The following CACNA1A variants were observed in gnomAD, a reference collection of about 807,000 sequenced individuals.
The protein encoded by CACNA1A is voltage-dependent P/Q-type calcium channel subunit alpha-1A.
A neutral mutation model predicts 262.4 loss-of-function variants in CACNA1A; 57 were observed. The observed-to-expected ratio is 0.22, with a 90% CI of 0.18 to 0.27. The LOEUF (loss-of-function observed/expected upper bound fraction) is 0.27, where lower values mean the gene tolerates loss of function less well. Ranked by LOEUF, CACNA1A falls within the 10% of genes least tolerant of loss-of-function variation. CACNA1A has a pLI of 1.00. For missense variants in CACNA1A, 2,526 were observed against 3,562.8 expected (o/e 0.71, Z 7.41); for synonymous variants, 1,431 against 1,419.3 (o/e 1.01, Z -0.18).
At chr19:13,404,680 G>A (rs1231657447) in intron 3 of CACNA1A, among the ~76,000 whole-genome samples, 1 of 152,140 alleles carries the variant, frequency 6.6e-6, no homozygotes, top group East Asian at 1.9e-4. Context: ...TATGGTACAA[G>A]TCCCGTGATG....
chr19:13,231,963 G>A, intron 34 of CACNA1A, 103 bp from the exon 35 acceptor site: 1 of 1,217,916 alleles, frequency 8.2e-7, no homozygotes, highest in Non-Finnish European at 1.1e-6. Flanking sequence ...GGGCTCTGGA[G>A]CTGGCCAGGC....
At chr19:13,247,711 TAA>T (rs200031593) in intron 30 of CACNA1A, among the ~76,000 whole-genome samples, 1 of 54,248 alleles carries the variant, frequency 1.8e-5, no homozygotes, top group East Asian at 4.7e-4. Flanking sequence ...AATAAATAAA[TAA>T]AAATAAATAA....
intron 9 of CACNA1A, 53 bp from the exon 10 acceptor site, chr19:13,330,386 C>T (rs1312763164): frequency 1.6e-6 from 2 of 1,275,312 alleles, no homozygotes; most frequent in Middle Eastern, 1.8e-4. Context: ...TTTTGCAACA[C>T]AGACCATATG....
chr19:13,223,257 G>C (rs908519979), intron 38 of CACNA1A, among the ~76,000 whole-genome samples: 3 of 152,006 alleles, frequency 2.0e-5, no homozygotes, highest in Admixed American at 6.6e-5. Flanking sequence ...GCAGTGGCGT[G>C]ATCTCGGCTC....
At chr19:13,396,328 C>T (rs1260772888) in intron 3 of CACNA1A, among the ~76,000 whole-genome samples, 2 of 152,230 alleles carry the variant, frequency 1.3e-5, no homozygotes, top group Non-Finnish European at 2.9e-5. Context: ...TTCTCAACTG[C>T]TCCTTTGCCT....
intron 10 of CACNA1A, among the ~76,000 whole-genome samples, chr19:13,325,363 C>A (rs142385110): frequency 6.6e-6 from 1 of 152,016 alleles, no homozygotes; most frequent in Non-Finnish European, 1.5e-5. Context: ...CTGTGGCATG[C>A]GCCTGTAGCC....
In CACNA1A at chr19:13,347,059, G is replaced by GTTT. The variant is rs1207564258; in HGVS notation, c.979-11153_979-11151dup. Among the ~76,000 whole-genome samples, 327 of 58,398 alleles carry GTTT rather than the reference G, an allele frequency of 5.6e-3. 3 individuals are homozygous for GTTT. The highest frequency in any genetic ancestry group is 0.022 in the South Asian group (21 of 940). The allele number at this position is 58,398 out of a possible 152,430, so 38.3% of individuals were successfully genotyped here. A position where few individuals can be genotyped will look rare whatever the true frequency, so the allele number is the denominator to read the frequency against. ...TTGTTCCTTCAGGTCTGTTTTTTTT[G>GTTT]TTTTTTTGTTTTTTTTTTTTGAGAC... is the stretch of plus-strand genomic sequence containing the variant. On this transcript the variant is annotated intron_variant, in intron 6 of 46. Transcript: ENST00000360228.
At chr19:13,316,927 G>A (rs1374593779) in intron 11 of CACNA1A, 185 bp downstream of exon 11, 6 of 519,326 alleles carry the variant, frequency 1.2e-5, no homozygotes, top group African/African-American at 9.5e-5. Flanking sequence ...GTCTAAGGGA[G>A]ATGGGTTCCA....
intron 38 of CACNA1A, among the ~76,000 whole-genome samples, chr19:13,216,190 GCTCT>G (rs1389192798): frequency 3.3e-5 from 5 of 152,168 alleles, no homozygotes; most frequent in Non-Finnish European, 7.4e-5. Context: ...AGTCATTAAA[GCTCT>G]CTGACGGTGT....
chr19:13,421,233 T>C (rs570412877), intron 3 of CACNA1A, among the ~76,000 whole-genome samples: 23 of 152,314 alleles, frequency 1.5e-4, no homozygotes, highest in Non-Finnish European at 4.4e-5. Context: ...GCAGCTATTA[T>C]AGGAGAGAAA....
chr19:13,284,968 T>C (rs1249521023), intron 21 of CACNA1A, 100 bp downstream of exon 21: 3 of 1,144,300 alleles, frequency 2.6e-6, no homozygotes, highest in Admixed American at 2.0e-5. Flanking sequence ...CCTGGACTCA[T>C]GGTGGTCAAC....
chr19:13,224,088 G>A (rs974648627), intron 38 of CACNA1A, among the ~76,000 whole-genome samples: 2 of 151,976 alleles, frequency 1.3e-5, no homozygotes, highest in African/African-American at 4.8e-5. Flanking sequence ...GATCACTTGA[G>A]GTCAGGAGTT....
At chr19:13,221,547 T>C (rs2055232460) in intron 38 of CACNA1A, among the ~76,000 whole-genome samples, 1 of 151,994 alleles carries the variant, frequency 6.6e-6, no homozygotes, top group African/African-American at 2.4e-5. Flanking sequence ...CTGGCAATTG[T>C]GCGCCTGTCT....
At chr19:13,215,003 T>C in intron 38 of CACNA1A, 1 of 170,342 alleles carries the variant, frequency 5.9e-6, no homozygotes, top group South Asian at 1.4e-4. Context: ...GTTGTGTGTG[T>C]GTGTGTGTGT....
In CACNA1A at chr19:13,208,973, C is replaced by G; in HGVS notation, c.6563G>C (p.Gly2188Ala). ...GTCCCGCTCCTTCGACGGCAGGTCC[C>G]CGGATTGGGTGGTCATGCTCAGGTC... ...GTDLSMTTQSGDLPSKERDQE... is the reference protein window; with the variant it reads ...GTDLSMTTQSADLPSKERDQE... Residue 2188 changes from glycine to alanine, a missense_variant, in exon 46 of 47, where the codon GGG (glycine) becomes GCG (alanine). By Grantham distance (60) the Gly-to-Ala change is moderately conservative. Coordinates refer to ENST00000360228, the MANE Select transcript of CACNA1A (RefSeq NM_001127222.2). 6.5e-7 allele frequency: 1 copy of G among 1,537,400 alleles called. No homozygotes were observed. The highest frequency in any genetic ancestry group is 8.7e-7 in the Non-Finnish European group (1 of 1,146,876).
At chr19:13,427,794 CAA>C (rs2060430841) in intron 3 of CACNA1A, among the ~76,000 whole-genome samples, 1 of 152,100 alleles carries the variant, frequency 6.6e-6, no homozygotes, top group South Asian at 2.1e-4. Flanking sequence ...AACAAACAAA[CAA>C]ACAAACAAAC....
At chr19:13,210,286 TTGG>T (rs1427233576) in intron 44 of CACNA1A, among the ~76,000 whole-genome samples, 2 of 151,860 alleles carry the variant, frequency 1.3e-5, no homozygotes, top group African/African-American at 4.8e-5. Context: ...GGACCAGGGG[TTGG>T]TGGTGGTGTC....
At chr19:13,415,271 G>A (rs982322695) in intron 3 of CACNA1A, among the ~76,000 whole-genome samples, 1 of 151,884 alleles carries the variant, frequency 6.6e-6, no homozygotes, top group African/African-American at 2.4e-5. Context: ...AAGGAAACGT[G>A]CGGAAGGAAG....
chr19:13,423,254 AAGGCAGAAAGG>A (rs2060346426), intron 3 of CACNA1A, among the ~76,000 whole-genome samples: 1 of 152,214 alleles, frequency 6.6e-6, no homozygotes, highest in Non-Finnish European at 1.5e-5. Flanking sequence ...TCTAGAGGGC[AAGGCAGAAAGG>A]AGACCAAAGA....
Sources: gnomAD v4.1 joint callset for allele counts (sites outside exome capture counted in the v4.1 genomes callset) on GRCh38, gnomAD v4.1.1 for gene constraint, MANE v1.5 for transcripts, NCBI Gene and HGNC (gene_info 2026-07-23, HGNC 2026-07-21) for gene names.